ZNF174: variants seen among roughly 807,000 people sequenced by gnomAD.
ZNF174 encodes zinc finger protein 174, also known as AW-1.
In ZNF174, 30 loss-of-function variants were observed where a neutral mutation model predicts 38.7. The observed-to-expected ratio is 0.78, with a 90% confidence interval of 0.58 to 1.05. The LOEUF (loss-of-function observed/expected upper bound fraction) is 1.05. Ranked by LOEUF, ZNF174 falls within the 50% of genes least tolerant of loss-of-function variation. ZNF174 has a pLI of 0.00. For missense variants in ZNF174, 499 were observed against 495.6 expected, an observed-to-expected ratio of 1.01 and a Z score of -0.06; for synonymous variants, 201 against 181.7, an observed-to-expected ratio of 1.11 and a Z score of -0.86.
rs1257576508 is a variant in ZNF174, at chr16:3,408,386, C to T, written c.691C>T (p.Pro231Ser). Residue 231 changes from proline (P) to serine (S), a missense_variant, in exon 3 of 3, where the codon CCA becomes TCA. Physicochemically the swap from Pro to Ser is moderately conservative, Grantham distance 74. Transcript: ENST00000268655. ...ACAGGAAGGGGCTAAAGGAGCAAAGCCATGTGCAGTGTCAGCTGGCAGATC... is the reference window on the plus strand; with the variant it reads ...ACAGGAAGGGGCTAAAGGAGCAAAGTCATGTGCAGTGTCAGCTGGCAGATC... ...PQQEGAKGAK[P>S]CAVSAGRSKG... 6.2e-7 allele frequency: 1 copy of T among 1,613,984 alleles called. No individual in the cohort carries two copies. The highest frequency in any genetic ancestry group is 1.3e-5 in the African/African-American group (1 of 74,900).
chr16:3,407,149 T>C (rs1261287768), intron 2 of ZNF174, among the ~76,000 whole-genome samples: 1 of 152,186 alleles, frequency 6.6e-6, no homozygotes, highest in Non-Finnish European at 1.5e-5. Context: ...CGAGGGCCCA[T>C]TCCTCATAAA....
In ZNF174 at chr16:3,408,975, C is replaced by G. The variant is rs115454684; in HGVS notation, c.*56C>G. On this transcript the variant is annotated 3_prime_UTR_variant, in exon 3 of 3. Coordinates refer to ENST00000268655, the MANE Select transcript of ZNF174 (RefSeq NM_003450.3). ...GAAGGTGTTTGTGTTTCTCCTCCCC[C>G]TTACTTGCATGTAAATCACAAAAAC... is the stretch of plus-strand genomic sequence containing the variant. 5 of 1,481,582 alleles carry G rather than the reference C, an allele frequency of 3.4e-6. No individual in the cohort carries two copies. The Admixed American group carries it at 8.5e-5, about 25-fold the overall frequency. The allele number at this position is 1,481,582 out of a possible 1,614,324, so 91.8% of individuals were successfully genotyped here.
chr16:3,402,048 C>T lies in ZNF174; in HGVS notation c.44C>T (p.Ala15Val). The T allele has an allele frequency of 3.7e-6, 6 of 1,613,826 alleles. No homozygotes were observed. Among genetic ancestry groups the T allele is most frequent in the Non-Finnish European group, 5.1e-6 (6 of 1,179,964 alleles). Residue 15 changes from alanine to valine, a missense_variant, in exon 1 of 3, where the codon GCT (alanine) becomes GTT (valine). Physicochemically the swap from Ala to Val is moderately conservative, Grantham distance 64. Coordinates refer to ENST00000268655, the MANE Select transcript of ZNF174 (RefSeq NM_003450.3). ...ATAACTTTAAGCTCCAACACTGAAG[C>T]TTCCTCCAAGCAAGAGAGACACATA... ...MEITLSSNTE[A>V]SSKQERHIIA...
chr16:3,404,500 A>G lies in ZNF174; in HGVS notation c.477A>G (p.Pro159=), dbSNP rs1185112799. 5 of 1,613,716 alleles carry G rather than the reference A, an allele frequency of 3.1e-6. No individual in the cohort carries two copies. In the East Asian group the frequency reaches 1.1e-4, roughly 36 times the overall value. The change falls in exon 2 of 3, where the codon CCA becomes CCG. Residue 159 remains proline, a synonymous_variant. Coordinates refer to ENST00000268655, the MANE Select transcript of ZNF174 (RefSeq NM_003450.3). The stretch of plus-strand genomic sequence containing the variant: ...CTCAGCTTGGAGAACAGGAACTGCC[A>G]GACTTTCAACCGCAGACTCCTAGGA... The part of the protein sequence containing the change: ...TGSQLGEQEL[P]DFQPQTPRRD...
At chr16:3,407,170 T>C (rs2034067765) in intron 2 of ZNF174, among the ~76,000 whole-genome samples, 1 of 152,214 alleles carries the variant, frequency 6.6e-6, no homozygotes, top group Admixed American at 6.5e-5. Context: ...TGGTGCCTGC[T>C]ATGAGTCCCC....
rs2033887253 is a variant in ZNF174 at position 3,401,295 on chromosome 16, G to T, written c.-710G>T. The T allele has an allele frequency of 6.6e-6, 1 of 152,614 alleles. No individual in the cohort carries two copies. Among genetic ancestry groups the T allele is most frequent in the Non-Finnish European group, 1.5e-5 (1 of 68,354 alleles). 9.5% of individuals were successfully genotyped at this position (152,614 alleles called of 1,614,324 possible). On this transcript the variant is annotated 5_prime_UTR_variant, in exon 1 of 3. Coordinates refer to ENST00000268655, the MANE Select transcript of ZNF174 (RefSeq NM_003450.3). ...GGTGAGTCGGCTGCAGGTGGGTGCG[G>T]GGCGCCGGGCTGTTCGGGGTACCGG...
In ZNF174 at chr16:3,404,627, A is replaced by G. The variant is rs2034025550; in HGVS notation, c.604A>G (p.Thr202Ala). 2 of 1,613,816 alleles carry G rather than the reference A, an allele frequency of 1.2e-6. No homozygotes were observed. Among genetic ancestry groups the G allele is most frequent in the Non-Finnish European group, 1.7e-6 (2 of 1,179,936 alleles). ...GAAATCCCCACTCCTCCAAGAACCA[A>G]CCCCCAAATTGGCTGGGACAGGTAA... Reference protein sequence around the residue: ...WEKSPLLQEPTPKLAGTEAPR... With the variant: ...WEKSPLLQEPAPKLAGTEAPR... The change falls in exon 2 of 3, where the codon ACC becomes GCC. Residue 202 changes from threonine (T) to alanine (A), a missense_variant. By Grantham distance (58) the Thr-to-Ala change is moderately conservative. Coordinates refer to ENST00000268655, the MANE Select transcript of ZNF174 (RefSeq NM_003450.3).
chr16:3,402,205 C>T lies in ZNF174; in HGVS notation c.201C>T (p.Leu67=). ...VSGPQEALSQ[L]RQLCRQWLQP... ...GACCCCAAGAGGCTCTCTCCCAGCT[C>T]CGACAGCTCTGCCGTCAGTGGTTGC... Residue 67 remains leucine, a synonymous_variant, in exon 1 of 3, where the codon CTC becomes CTT. Transcript: ENST00000268655. 6.2e-7 allele frequency: 1 copy of T among 1,612,882 alleles called. No homozygotes were observed. The highest frequency in any genetic ancestry group is 1.1e-5 in the South Asian group (1 of 91,026).
chr16:3,403,330 C>T (rs1369283945), intron 1 of ZNF174, among the ~76,000 whole-genome samples: 2 of 151,524 alleles, frequency 1.3e-5, no homozygotes, highest in Non-Finnish European at 2.9e-5. Flanking sequence ...CCACCACGCC[C>T]AGCTAATTTT....
At chr16:3,408,268 T>C in intron 2 of ZNF174, 53 bp from the exon 3 acceptor site, 2 of 1,499,114 alleles carry the variant, frequency 1.3e-6, no homozygotes, top group Non-Finnish European at 1.8e-6. Flanking sequence ...TAACTCTTGC[T>C]GAAGTTATTT....
At chr16:3,406,859 T>G (rs1032603517) in intron 2 of ZNF174, among the ~76,000 whole-genome samples, 1 of 152,238 alleles carries the variant, frequency 6.6e-6, no homozygotes, top group Non-Finnish European at 1.5e-5. Flanking sequence ...CACAAATATG[T>G]ACAGCTATGG....
At chr16:3,407,933 G>C (rs1307556819) in intron 2 of ZNF174, among the ~76,000 whole-genome samples, 3 of 152,228 alleles carry the variant, frequency 2.0e-5, no homozygotes, top group African/African-American at 7.2e-5. Flanking sequence ...AATTTGCAAT[G>C]TTGAGATTTC....
At chr16:3,406,289 CTCTTGAGTATA>C (rs1444427952) in intron 2 of ZNF174, among the ~76,000 whole-genome samples, 1 of 152,136 alleles carries the variant, frequency 6.6e-6, no homozygotes, top group Non-Finnish European at 1.5e-5. Flanking sequence ...GTTTTCATTT[CTCTTGAGTATA>C]TACCTAGGAG....
In ZNF174 at chr16:3,408,355, T is replaced by C. The variant is rs2034081911; in HGVS notation, c.660T>C (p.Asn220=). The C allele has an allele frequency of 6.2e-7, 1 of 1,600,736 alleles. No homozygotes were observed. Among genetic ancestry groups the C allele is most frequent in the African/African-American group, 1.4e-5 (1 of 74,064 alleles). Residue 220 remains asparagine (N), a synonymous_variant, in exon 3 of 3, where the codon AAT becomes AAC. Transcript: ENST00000268655. ...GAATGAGAAGTGACAACAAGGAAAA[T>C]CCACAACAGGAAGGGGCTAAAGGAG... is the stretch of plus-strand genomic sequence containing the variant. ...APRMRSDNKE[N]PQQEGAKGAK...
intron 1 of ZNF174, 53 bp from the exon 2 acceptor site, chr16:3,404,373 C>A: frequency 1.3e-6 from 2 of 1,509,516 alleles, no homozygotes; most frequent in Non-Finnish European, 1.8e-6. Context: ...AGTGAGAGAT[C>A]AAGCTTCCCT....
rs1310025305 is a variant in ZNF174, at chr16:3,402,481, C to T, written c.402+75C>T. The T allele has an allele frequency of 2.5e-5, 35 of 1,405,266 alleles. 1 individual carries two copies. The highest frequency in any genetic ancestry group is 3.3e-5 in the Non-Finnish European group (35 of 1,050,992). 87.0% of individuals were successfully genotyped at this position (1,405,266 alleles called of 1,614,324 possible). On this transcript the variant is annotated intron_variant, in intron 1 of 2. Transcript: ENST00000268655. ...TTTTTTTTTTTTTCTTTTTTTGAGA[C>T]GGAATCTTGCTCTTTCGCCCAGGCC...
chr16:3,408,312 T>G lies in ZNF174; in HGVS notation c.626-9T>G, dbSNP rs2034081344. 6.4e-7 allele frequency: 1 copy of G among 1,556,278 alleles called. No individual in the cohort carries two copies. The highest frequency in any genetic ancestry group is 8.7e-7 in the Non-Finnish European group (1 of 1,155,006). On this transcript the variant is annotated splice_polypyrimidine_tract_variant and intron_variant, in intron 2 of 2. Coordinates refer to ENST00000268655, the MANE Select transcript of ZNF174 (RefSeq NM_003450.3). ...TGCAGAAAATGAAGCATTTTCTTTC[T>G]AATTATAGAGGCCCCCAGAATGAGA...
rs149594029 is a variant in ZNF174 at position 3,404,614 on chromosome 16, C to T, written c.591C>T (p.Leu197=). 48 of 1,614,112 alleles carry T rather than the reference C, an allele frequency of 3.0e-5. No individual in the cohort carries two copies. Among genetic ancestry groups the T allele is most frequent in the Non-Finnish European group, 4.0e-5 (47 of 1,180,058 alleles). The part of the protein sequence containing the change: ...LSPHHWEKSP[L]LQEPTPKLAG... Reference sequence around the variant, plus strand: ...CCCATCATTGGGAGAAATCCCCACTCCTCCAAGAACCAACCCCCAAATTGG... The same window carrying T: ...CCCATCATTGGGAGAAATCCCCACTTCTCCAAGAACCAACCCCCAAATTGG... Residue 197 remains leucine (L), a synonymous_variant, in exon 2 of 3, where the codon CTC becomes CTT. Transcript: ENST00000268655.
intron 2 of ZNF174, among the ~76,000 whole-genome samples, chr16:3,406,911 T>G (rs1444277160): frequency 1.3e-5 from 2 of 152,316 alleles, no homozygotes; most frequent in East Asian, 3.9e-4. Context: ...CTTTCAGCTA[T>G]TTGGTCCATT....
Sources: allele counts gnomAD v4.1 joint callset (sites outside exome capture counted in the v4.1 genomes callset), GRCh38; gene constraint gnomAD v4.1.1; transcripts MANE v1.5; gene names NCBI Gene and HGNC (gene_info 2026-07-23, HGNC 2026-07-21).